HAGHL: variants seen among roughly 807,000 people sequenced by gnomAD.
HAGHL encodes the protein hydroxyacylglutathione hydrolase-like protein.
HAGHL carries 27 observed loss-of-function variants against 29.2 expected under a neutral mutation model. The observed-to-expected ratio is 0.92, with a 90% CI of 0.68 to 1.27. The LOEUF (loss-of-function observed/expected upper bound fraction) is 1.27. Ranked by LOEUF, HAGHL falls within the 50% of genes most tolerant of loss-of-function variation. The probability of loss-of-function intolerance (pLI) is 0.00; values close to 1 mark genes in which losing one functional copy is unlikely to be tolerated. For missense variants in HAGHL, 529 were observed against 405.5 expected, an observed-to-expected ratio of 1.30 and a Z score of -2.62; for synonymous variants, 223 against 185.7, an observed-to-expected ratio of 1.20 and a Z score of -1.63.
At chr16:728,286 C>T (rs1037325718) in intron 3 of HAGHL, 30 bp from the exon 4 acceptor site, 32 of 1,520,230 alleles carry the variant, frequency 2.1e-5, no homozygotes, top group Non-Finnish European at 2.8e-5. Context: ...TCCACCCGCC[C>T]TCACAGGTCC....
chr16:728,090 C>A (rs2041127129), intron 2 of HAGHL, 26 bp from the exon 3 acceptor site: 4 of 1,481,442 alleles, frequency 2.7e-6, no homozygotes, highest in South Asian at 2.7e-5. Context: ...CCCGACCTAA[C>A]CCGGCCCCCG....
rs1212175320 is a variant in HAGHL, at chr16:728,592, G to C, written c.486G>C (p.Leu162=). Reference sequence around the variant, plus strand: ...AGAGCCTGGCCGAGCTGGGTACCCTGCCCCCCGAGACGGTGAGCGGGCCTG... The same window carrying C: ...AGAGCCTGGCCGAGCTGGGTACCCTCCCCCCCGAGACGGTGAGCGGGCCTG... The part of the protein sequence containing the change: ...MYQSLAELGT[L]PPETKVFCGH... The change falls in exon 5 of 8, where the codon CTG becomes CTC. Residue 162 remains leucine, a synonymous_variant. Transcript: ENST00000389703. 1.3e-6 allele frequency: 2 copies of C among 1,505,974 alleles called. No individual in the cohort carries two copies. The highest frequency in any genetic ancestry group is 1.8e-6 in the Non-Finnish European group (2 of 1,131,378). 93.3% of individuals were successfully genotyped at this position (1,505,974 alleles called of 1,614,324 possible). A position where few individuals can be genotyped will look rare whatever the true frequency, so the allele number is the denominator to read the frequency against.
In HAGHL at chr16:729,530, C is replaced by A. The variant is rs1449542892; in HGVS notation, c.*74C>A. Reference sequence around the variant, plus strand: ...TCGGCCAGCTGGACCCACATGAGGGCCACCTCTGGAACCTTCTTCGAGGCC... The same window carrying A: ...TCGGCCAGCTGGACCCACATGAGGGACACCTCTGGAACCTTCTTCGAGGCC... On this transcript the variant is annotated 3_prime_UTR_variant, in exon 8 of 8. Transcript: ENST00000389703. 6.5e-7 allele frequency: 1 copy of A among 1,534,702 alleles called. No individual in the cohort carries two copies. The highest frequency in any genetic ancestry group is 1.2e-5 in the South Asian group (1 of 83,828).
rs908379580 is a variant in HAGHL at position 727,400 on chromosome 16, C to T, written c.-110C>T. The T allele has an allele frequency of 6.5e-6, 4 of 610,850 alleles. No homozygotes were observed. The highest frequency in any genetic ancestry group is 6.1e-5 in the Admixed American group (2 of 32,882). The allele number at this position is 610,850 out of a possible 1,614,324, so 37.8% of individuals were successfully genotyped here. ...TGGCCCCCAGCGTGTTGACCGAGCC[C>T]GCTTCGCACAGCCCTTCCTAGGGTG... On this transcript the variant is annotated 5_prime_UTR_variant, in exon 1 of 8. Coordinates refer to ENST00000389703, the MANE Select transcript of HAGHL (RefSeq NM_032304.4).
chr16:728,571 C>A lies in HAGHL; in HGVS notation c.465C>A (p.Ser155Arg), dbSNP rs776916265. ...LEGSAQQMYQ[S>R]LAELGTLPPE... The stretch of plus-strand genomic sequence containing the variant: ...GCAGCGCCCAGCAGATGTACCAGAG[C>A]CTGGCCGAGCTGGGTACCCTGCCCC... The change falls in exon 5 of 8, where the codon AGC (serine) becomes AGA (arginine). Residue 155 changes from serine to arginine, a missense_variant. Transcript: ENST00000389703. 115 of 1,521,480 alleles carry A rather than the reference C, an allele frequency of 7.6e-5. No individual in the cohort carries two copies. The highest frequency in any genetic ancestry group is 9.9e-5 in the Non-Finnish European group (113 of 1,140,656). The allele number at this position is 1,521,480 out of a possible 1,614,324, so 94.2% of individuals were successfully genotyped here.
In HAGHL at chr16:729,280, C is replaced by G. The variant is rs566630267; in HGVS notation, c.681-8C>G. The stretch of plus-strand genomic sequence containing the variant: ...GGGCCCTGCGCCTCACTGCACCCCT[C>G]CCTGCAGAGAGGAGCCGGTGCGCAA... On this transcript the variant is annotated splice_polypyrimidine_tract_variant and splice_region_variant and intron_variant, in intron 7 of 7. Coordinates refer to ENST00000389703, the MANE Select transcript of HAGHL (RefSeq NM_032304.4). 3.3e-6 allele frequency: 5 copies of G among 1,520,336 alleles called. No homozygotes were observed. The Admixed American group carries it at 8.8e-5, about 27-fold the overall frequency. 94.2% of individuals were successfully genotyped at this position (1,520,336 alleles called of 1,614,324 possible).
At position 728,490 on chromosome 16, in the gene HAGHL, C is replaced by T. The variant is rs1025333768; in HGVS notation, c.398-14C>T. 9.8e-6 allele frequency: 15 copies of T among 1,523,956 alleles called. No homozygotes were observed. The African/African-American group carries it at 1.7e-4, about 17-fold the overall frequency. The allele number at this position is 1,523,956 out of a possible 1,614,324, so 94.4% of individuals were successfully genotyped here. ...GCCCCGCCCCATCTGCTCTGACCCG[C>T]CCTCCCCCGCCAGGCGACGCGCTGT... On this transcript the variant is annotated splice_polypyrimidine_tract_variant and intron_variant, in intron 4 of 7. Coordinates refer to ENST00000389703, the MANE Select transcript of HAGHL (RefSeq NM_032304.4).
At position 728,810 on chromosome 16, in the gene HAGHL, A is replaced by T. The variant is rs1484823408; in HGVS notation, c.515A>T (p.His172Leu). The T allele has an allele frequency of 2.5e-6, 4 of 1,611,798 alleles. No individual in the cohort carries two copies. The East Asian group carries it at 8.9e-5, about 36-fold the overall frequency. The change falls in exon 6 of 8, where the codon CAC (histidine) becomes CTC (leucine). Residue 172 changes from histidine (H) to leucine (L), a missense_variant. Physicochemically the swap from His to Leu is moderately conservative, Grantham distance 99 (BLOSUM62 -3). Coordinates refer to ENST00000389703, the MANE Select transcript of HAGHL (RefSeq NM_032304.4). ...LPPETKVFCG[H>L]EHTLSNLEFA... Reference sequence around the variant, plus strand: ...TTCCTCCAGAAGGTGTTCTGCGGCCACGAGCACACGCTTAGCAACCTGGAG... The same window carrying T: ...TTCCTCCAGAAGGTGTTCTGCGGCCTCGAGCACACGCTTAGCAACCTGGAG...
intron 2 of HAGHL, 39 bp downstream of exon 2, chr16:728,068 G>T: frequency 6.4e-7 from 1 of 1,557,234 alleles, no homozygotes; most frequent in Non-Finnish European, 8.6e-7. Context: ...CGAGGACGCC[G>T]CCTTGTCCCA....
rs988422545 is a variant in HAGHL, at chr16:729,632, G to A, written c.*176G>A. 8 of 1,520,548 alleles carry A rather than the reference G, an allele frequency of 5.3e-6. No homozygotes were observed. The highest frequency in any genetic ancestry group is 2.0e-5 in the Admixed American group (1 of 49,320). The allele number at this position is 1,520,548 out of a possible 1,614,324, so 94.2% of individuals were successfully genotyped here. A position where few individuals can be genotyped will look rare whatever the true frequency, so the allele number is the denominator to read the frequency against. ...GGTGGACACACAGGACCACTCAGTG[G>A]GGCCTGTGTGGGCGCCGAGACCTGG... On this transcript the variant is annotated 3_prime_UTR_variant, in exon 8 of 8. Coordinates refer to ENST00000389703, the MANE Select transcript of HAGHL (RefSeq NM_032304.4).
In HAGHL at chr16:729,161, T is replaced by G. The variant is rs1056883454; in HGVS notation, c.680+73T>G. 5 of 1,584,074 alleles carry G rather than the reference T, an allele frequency of 3.2e-6. No homozygotes were observed. The African/African-American group carries it at 4.0e-5, about 13-fold the overall frequency. The stretch of plus-strand genomic sequence containing the variant: ...AGGAAGGCATCTGGGGACTGCGTGT[T>G]GGGCTGAGTGAGCATCTCTGGCTTG... On this transcript the variant is annotated intron_variant, in intron 7 of 7. Coordinates refer to ENST00000389703, the MANE Select transcript of HAGHL (RefSeq NM_032304.4).
intron 5 of HAGHL, 76 bp from the exon 6 acceptor site, chr16:728,718 G>A: frequency 7.0e-7 from 1 of 1,430,792 alleles, no homozygotes; most frequent in Non-Finnish European, 9.7e-7. Flanking sequence ...ACCGGGCAGG[G>A]GAGGCCAGGC....
In HAGHL at chr16:729,318, G is replaced by C. The variant is rs1343998111; in HGVS notation, c.711G>C (p.Lys237Asn). The C allele has an allele frequency of 3.3e-6, 5 of 1,533,146 alleles. No individual in the cohort carries two copies. The African/African-American group carries it at 6.9e-5, about 21-fold the overall frequency. The allele number at this position is 1,533,146 out of a possible 1,614,324, so 95.0% of individuals were successfully genotyped here. A position where few individuals can be genotyped will look rare whatever the true frequency, so the allele number is the denominator to read the frequency against. The change falls in exon 8 of 8, where the codon AAG becomes AAC. Residue 237 changes from lysine (K) to asparagine (N), a missense_variant. Coordinates refer to ENST00000389703, the MANE Select transcript of HAGHL (RefSeq NM_032304.4). ...AEEPVRKFTG[K>N]AVPADVLEAL... is the part of the protein sequence containing the mutation. Reference sequence around the variant, plus strand: ...AGCCGGTGCGCAAGTTCACGGGCAAGGCGGTCCCCGCCGACGTCCTGGAGG... The same window carrying C: ...AGCCGGTGCGCAAGTTCACGGGCAACGCGGTCCCCGCCGACGTCCTGGAGG...
At chr16:729,176 T>G in intron 7 of HAGHL, 88 bp downstream of exon 7, 4 of 1,575,516 alleles carry the variant, frequency 2.5e-6, no homozygotes, top group Non-Finnish European at 1.7e-6. Context: ...TGAGTGAGCA[T>G]CTCTGGCTTG....
rs572957621 is a variant in HAGHL, at chr16:727,263, G to A, written c.-247G>A. The A allele has an allele frequency of 5.2e-3, 2,268 of 437,744 alleles. 9 individuals are homozygous for A. The highest frequency in any genetic ancestry group is 7.1e-3 in the Non-Finnish European group (1,726 of 244,264). The allele number at this position is 437,744 out of a possible 1,614,324, so 27.1% of individuals were successfully genotyped here. On this transcript the variant is annotated 5_prime_UTR_variant, in exon 1 of 8. Coordinates refer to ENST00000389703, the MANE Select transcript of HAGHL (RefSeq NM_032304.4). ...CCTTTGGGGACTGGGGCTCGGACTG[G>A]GGGCGGAGCCGGGGCTGGTTGGGGA...
In HAGHL at chr16:729,001, C is replaced by T. The variant is rs760553592; in HGVS notation, c.601-8C>T. ...CCTAATGGTGACCGGGGCCTGTGGT[C>T]ACTCCAGAAGAGGGATGAGGATGAC... On this transcript the variant is annotated splice_polypyrimidine_tract_variant and splice_region_variant and intron_variant, in intron 6 of 7. Coordinates refer to ENST00000389703, the MANE Select transcript of HAGHL (RefSeq NM_032304.4). 6.2e-6 allele frequency: 10 copies of T among 1,606,452 alleles called. No homozygotes were observed. Among genetic ancestry groups the T allele is most frequent in the Non-Finnish European group, 5.9e-6 (7 of 1,177,556 alleles).
At position 729,608 on chromosome 16, in the gene HAGHL, G is replaced by T. The variant is rs531236431; in HGVS notation, c.*152G>T. The stretch of plus-strand genomic sequence containing the variant: ...GGGTGGGCAACCTGGTGCTTCCCGG[G>T]TGGACACACAGGACCACTCAGTGGG... On this transcript the variant is annotated 3_prime_UTR_variant, in exon 8 of 8. Transcript: ENST00000389703. 615 of 1,530,202 alleles carry T rather than the reference G, an allele frequency of 4.0e-4. 2 individuals are homozygous for T. In the African/African-American group the frequency reaches 7.8e-3, roughly 19 times the overall value. The allele number at this position is 1,530,202 out of a possible 1,614,324, so 94.8% of individuals were successfully genotyped here.
intron 7 of HAGHL, 46 bp downstream of exon 7, chr16:729,134 T>C (rs777214625): frequency 1.6e-5 from 26 of 1,600,378 alleles, no homozygotes; most frequent in Non-Finnish European, 2.1e-5. Context: ...ACGTGGACCC[T>C]TAGGAAGGCA....
In HAGHL at chr16:727,211, G is replaced by C. The variant is rs934045300; in HGVS notation, c.-299G>C. On this transcript the variant is annotated 5_prime_UTR_variant, in exon 1 of 8. Transcript: ENST00000389703. ...TTGCGGCGGCAGGGCGGGGGGCCGA[G>C]GGGCGGGGCCTGGGAGGAAGGCGTG... 2 of 298,782 alleles carry C rather than the reference G, an allele frequency of 6.7e-6. No individual in the cohort carries two copies. The highest frequency in any genetic ancestry group is 4.5e-5 in the African/African-American group (2 of 44,924). The allele number at this position is 298,782 out of a possible 1,614,324, so 18.5% of individuals were successfully genotyped here.
Sources: gnomAD v4.1 joint callset for allele counts on GRCh38, gnomAD v4.1.1 for gene constraint, MANE v1.5 for transcripts, NCBI Gene and HGNC (gene_info 2026-07-23, HGNC 2026-07-21) for gene names.